The following LAMC1 variants were observed in gnomAD, a reference collection of about 807,000 sequenced individuals.
LAMC1 encodes laminin subunit gamma 1.
A neutral mutation model predicts 173.6 loss-of-function variants in LAMC1; 38 were observed. The ratio of observed to expected loss-of-function variants is 0.22; its 90% CI spans 0.17 to 0.29. LAMC1 has a LOEUF of 0.29. Ranked by LOEUF, LAMC1 falls within the 10% of genes least tolerant of loss-of-function variation. The pLI, the probability that LAMC1 is intolerant of heterozygous loss-of-function variation, is 1.00. For missense variants in LAMC1, 1,824 were observed against 2,051.8 expected (o/e 0.89, Z 2.14); for synonymous variants, 746 against 749.1 (o/e 1.00, Z 0.07).
intron 13 of LAMC1, among the ~76,000 whole-genome samples, chr1:183,123,330 C>G (rs984493800): frequency 1.3e-5 from 2 of 152,194 alleles, no homozygotes; most frequent in African/African-American, 4.8e-5. Flanking sequence ...ATTGTTCTCC[C>G]TGCCTCACCT....
chr1:183,074,117 A>C (rs141619034), intron 1 of LAMC1, among the ~76,000 whole-genome samples: 32 of 152,358 alleles, frequency 2.1e-4, no homozygotes, highest in African/African-American at 6.5e-4. Flanking sequence ...GTTCTAAAAA[A>C]ATGAAATTAT....
At chr1:183,065,389 A>G (rs1654852439) in intron 1 of LAMC1, among the ~76,000 whole-genome samples, 1 of 152,198 alleles carries the variant, frequency 6.6e-6, no homozygotes, top group South Asian at 2.1e-4. Flanking sequence ...GCAAATTTGG[A>G]TAAGAATTGA....
At chr1:183,047,918 C>T (rs1654307263) in intron 1 of LAMC1, among the ~76,000 whole-genome samples, 3 of 152,106 alleles carry the variant, frequency 2.0e-5, no homozygotes, top group African/African-American at 7.2e-5. Flanking sequence ...ATGAATACAA[C>T]CACCATGTAT....
At chr1:183,133,206 C>T (rs553940572) in intron 21 of LAMC1, among the ~76,000 whole-genome samples, 200 bp from the exon 22 acceptor site, 4 of 152,092 alleles carry the variant, frequency 2.6e-5, no homozygotes, top group South Asian at 2.1e-4. Flanking sequence ...CCACTGTGCC[C>T]GGCCAAGCCA....
At position 183,118,121 on chromosome 1, in the gene LAMC1, G is replaced by T; in HGVS notation, c.1965G>T (p.Lys655Asn). The T allele has an allele frequency of 6.2e-7, 1 of 1,601,180 alleles. No individual in the cohort carries two copies. The highest frequency in any genetic ancestry group is 1.3e-5 in the African/African-American group (1 of 74,692). ...TCCTAAACAACTTGACCTCTATCAA[G>T]ATACGTGGGACATACAGTGAGAGAA... is the stretch of plus-strand genomic sequence containing the variant. ...QKLLNNLTSIKIRGTYSERSA... is the reference protein window; with the variant it reads ...QKLLNNLTSINIRGTYSERSA... The change falls in exon 11 of 28, where the codon AAG (lysine) becomes AAT (asparagine). Residue 655 changes from lysine to asparagine, a missense_variant. Physicochemically the swap from Lys to Asn is moderately conservative, Grantham distance 94. Coordinates refer to ENST00000258341, the MANE Select transcript of LAMC1 (RefSeq NM_002293.4).
At chr1:183,054,318 C>T (rs191056140) in intron 1 of LAMC1, among the ~76,000 whole-genome samples, 4 of 152,306 alleles carry the variant, frequency 2.6e-5, no homozygotes, top group Non-Finnish European at 5.9e-5. Context: ...AGCCACACAG[C>T]TATTTGTGAG....
At chr1:183,077,054 T>G (rs1020762862) in intron 1 of LAMC1, among the ~76,000 whole-genome samples, 1 of 152,228 alleles carries the variant, frequency 6.6e-6, no homozygotes, top group African/African-American at 2.4e-5. Context: ...TGGTAACTGA[T>G]GTAATTAAGA....
chr1:183,114,870 C>T, intron 5 of LAMC1, 151 bp downstream of exon 5: 2 of 776,272 alleles, frequency 2.6e-6, no homozygotes, highest in Non-Finnish European at 4.0e-6. Flanking sequence ...GTCTCTACCC[C>T]ATGCCTCCAC....
At chr1:183,064,702 CA>C (rs1203000433) in intron 1 of LAMC1, among the ~76,000 whole-genome samples, 1 of 152,082 alleles carries the variant, frequency 6.6e-6, no homozygotes, top group Non-Finnish European at 1.5e-5. Flanking sequence ...AAAACCAAAA[CA>C]AAATAACAAA....
At chr1:183,104,230 T>G (rs1655908458) in intron 2 of LAMC1, among the ~76,000 whole-genome samples, 2 of 152,202 alleles carry the variant, frequency 1.3e-5, no homozygotes, top group Admixed American at 1.3e-4. Context: ...GGATATTAAT[T>G]TAGGTACCCA....
rs73053812 is a variant in LAMC1 at position 183,092,768 on chromosome 1, T to G, written c.419-10560T>G. Among the ~76,000 whole-genome samples, 1,256 of 152,256 alleles carry G rather than the reference T, an allele frequency of 8.2e-3. 12 individuals are homozygous for G. Among genetic ancestry groups the G allele is most frequent in the African/African-American group, 0.029 (1,199 of 41,550 alleles). On this transcript the variant is annotated intron_variant, in intron 1 of 27. Transcript: ENST00000258341. Reference sequence around the variant, plus strand: ...TGGGAAGGCTTTTTTAGAGAACGTCTTTGTGGATGAAAGGGGCTCTCTTTC... The same window carrying G: ...TGGGAAGGCTTTTTTAGAGAACGTCGTTGTGGATGAAAGGGGCTCTCTTTC...
intron 21 of LAMC1, 75 bp from the exon 22 acceptor site, chr1:183,133,331 T>C (rs987448599): frequency 1.4e-5 from 18 of 1,313,786 alleles, no homozygotes; most frequent in Non-Finnish European, 1.9e-5. Flanking sequence ...TATCACATGA[T>C]CATGTTAATC....
intron 1 of LAMC1, among the ~76,000 whole-genome samples, chr1:183,068,907 A>G (rs1248031885): frequency 6.6e-6 from 1 of 151,956 alleles, no homozygotes; most frequent in East Asian, 1.9e-4. Context: ...GCGCCACTGC[A>G]CTCCAGCCTG....
chr1:183,038,172 A>G (rs1654032935), intron 1 of LAMC1, among the ~76,000 whole-genome samples: 1 of 151,776 alleles, frequency 6.6e-6, no homozygotes, highest in Non-Finnish European at 1.5e-5. Context: ...AGTAGCTGGG[A>G]CTACACGCGT....
At chr1:183,136,330 G>T (rs986652020) in intron 24 of LAMC1, 56 bp from the exon 25 acceptor site, 1 of 1,476,994 alleles carries the variant, frequency 6.8e-7, no homozygotes, top group Non-Finnish European at 9.5e-7. Context: ...TCCCTGAAAG[G>T]CCCCCTTTTT....
chr1:183,133,624 A>C (rs2102107330), intron 22 of LAMC1, 74 bp downstream of exon 22: 1 of 1,370,418 alleles, frequency 7.3e-7, no homozygotes, highest in Admixed American at 2.3e-5. Context: ...ACTGCTCTGC[A>C]CCTCCCTCTG....
At chr1:183,088,284 T>TTATTTA (rs1365457218) in intron 1 of LAMC1, among the ~76,000 whole-genome samples, 2 of 152,222 alleles carry the variant, frequency 1.3e-5, no homozygotes, top group Non-Finnish European at 2.9e-5. Flanking sequence ...GGTAGATGAG[T>TTATTTA]CAGTCTACTG....
At position 183,115,616 on chromosome 1, in the gene LAMC1, C is replaced by A. The variant is rs1388815568; in HGVS notation, c.1307C>A (p.Ser436Tyr). ...KCDRCQPGFH[S>Y]LTEAGCRPCS... ...GACCGTTGCCAGCCTGGATTCCATT[C>A]TCTCACTGAAGCAGGATGCAGGTAA... is the stretch of plus-strand genomic sequence containing the variant. The change falls in exon 6 of 28, where the codon TCT (serine) becomes TAT (tyrosine). Residue 436 changes from serine to tyrosine, a missense_variant. Coordinates refer to ENST00000258341, the MANE Select transcript of LAMC1 (RefSeq NM_002293.4). 6.2e-7 allele frequency: 1 copy of A among 1,612,814 alleles called. No homozygotes were observed. The highest frequency in any genetic ancestry group is 1.3e-5 in the African/African-American group (1 of 74,888).
chr1:183,108,170 G>T (rs959096602), intron 2 of LAMC1, 106 bp from the exon 3 acceptor site: 2 of 1,041,090 alleles, frequency 1.9e-6, no homozygotes, highest in Non-Finnish European at 1.4e-6. Context: ...TAAAGAGGGC[G>T]TAAGTTAAAT....
Sources: allele counts gnomAD v4.1 joint callset (sites outside exome capture counted in the v4.1 genomes callset), GRCh38; gene constraint gnomAD v4.1.1; transcripts MANE v1.5; gene names NCBI Gene and HGNC (gene_info 2026-07-23, HGNC 2026-07-21).